Variants in TM4SF20 observed in about 807,000 individuals in gnomAD.
TM4SF20 encodes transmembrane 4 L six family member 20, also known as transmembrane 4 L6 family member 20.
TM4SF20 carries 13 observed loss-of-function variants against 15.1 expected under a neutral mutation model. That is an observed-to-expected ratio of 0.86 (90% CI 0.56 to 1.36). The LOEUF (loss-of-function observed/expected upper bound fraction) is 1.36. Among genes scored for constraint, TM4SF20 ranks in the 40% most tolerant of loss-of-function variants. The pLI is 0.00. For synonymous variants in TM4SF20, 92 were observed against 96.6 expected (o/e 0.95, Z 0.28); for missense variants, 282 against 268.4 (o/e 1.05, Z -0.35).
intron 2 of TM4SF20, among the ~76,000 whole-genome samples, chr2:227,369,323 T>A (rs1201674425): frequency 6.6e-6 from 1 of 152,198 alleles, no homozygotes; most frequent in African/African-American, 2.4e-5. Flanking sequence ...CTGGCCAAAT[T>A]ATCTTGAGTG....
chr2:227,368,474 C>A (rs1160768119), intron 2 of TM4SF20, among the ~76,000 whole-genome samples: 1 of 151,558 alleles, frequency 6.6e-6, no homozygotes, highest in Non-Finnish European at 1.5e-5. Context: ...CCTCAGCCTC[C>A]CAAGTAGCTG....
chr2:227,380,190 C>T (rs535269359), upstream of TM4SF20, among the ~76,000 whole-genome samples: 58 of 152,292 alleles, frequency 3.8e-4, no homozygotes, highest in African/African-American at 1.3e-3. Flanking sequence ...AGTAGCCAAG[C>T]GTGGTGGCAC....
chr2:227,372,082 C>T (rs2076423597), intron 1 of TM4SF20, among the ~76,000 whole-genome samples: 2 of 152,074 alleles, frequency 1.3e-5, no homozygotes, highest in African/African-American at 4.8e-5. Context: ...AAATTTTAGG[C>T]GTAGGTTTTT....
intron 1 of TM4SF20, among the ~76,000 whole-genome samples, chr2:227,373,920 T>G (rs980460253): frequency 3.2e-5 from 2 of 62,946 alleles, no homozygotes; most frequent in African/African-American, 1.5e-4. Context: ...AGAGCGAGAC[T>G]CCGTCTCAAA....
At chr2:227,374,550 T>A (rs1160660075) in intron 1 of TM4SF20, among the ~76,000 whole-genome samples, 2 of 152,220 alleles carry the variant, frequency 1.3e-5, no homozygotes, top group African/African-American at 4.8e-5. Context: ...TTTGAATGCC[T>A]GAGTTTTTGT....
At chr2:227,375,869 G>A (rs2076448046) in intron 1 of TM4SF20, among the ~76,000 whole-genome samples, 1 of 152,148 alleles carries the variant, frequency 6.6e-6, no homozygotes, top group South Asian at 2.1e-4. Context: ...TGAACTCAAT[G>A]AATAAGCATG....
chr2:227,362,596 AT>A lies in TM4SF20; in HGVS notation c.*1127del, dbSNP rs1486204654. ...GAGTTGCAGTCAAAATGCAGTCAAA[AT>A]TGTGTTTCATGCACAAAGTTATTTA... On this transcript the variant is annotated 3_prime_UTR_variant, in exon 4 of 4. Transcript: ENST00000304568. 1 of 152,198 alleles carries A rather than the reference AT, an allele frequency of 6.6e-6. No individual in the cohort carries two copies. Among genetic ancestry groups the A allele is most frequent in the African/African-American group, 2.4e-5 (1 of 41,436 alleles). 9.4% of individuals were successfully genotyped at this position (152,198 alleles called of 1,614,324 possible). A position where few individuals can be genotyped will look rare whatever the true frequency, so the allele number is the denominator to read the frequency against.
intron 2 of TM4SF20, 34 bp from the exon 3 acceptor site, chr2:227,366,278 A>G (rs1473807532): frequency 1.9e-6 from 3 of 1,596,302 alleles, no homozygotes; most frequent in Non-Finnish European, 2.6e-6. Context: ...TGCACATGTT[A>G]TGACATGTTC....
Position 227,363,482 on chromosome 2 carries a change from TC to T in TM4SF20, c.*241del, listed in dbSNP as rs2076373491. 1 of 368,950 alleles carries T rather than the reference TC, an allele frequency of 2.7e-6. No individual in the cohort carries two copies. The highest frequency in any genetic ancestry group is 4.4e-5 in the Admixed American group (1 of 22,922). 22.9% of individuals were successfully genotyped at this position (368,950 alleles called of 1,614,324 possible). A position where few individuals can be genotyped will look rare whatever the true frequency, so the allele number is the denominator to read the frequency against. ...GACTTCCGTTCCTTCTCATCCTCCTTCCCTTCTCCTTTCTCTACACACAGTG... is the reference window on the plus strand; with the variant it reads ...GACTTCCGTTCCTTCTCATCCTCCTTCCTTCTCCTTTCTCTACACACAGTG... On this transcript the variant is annotated 3_prime_UTR_variant, in exon 4 of 4. Coordinates refer to ENST00000304568, the MANE Select transcript of TM4SF20 (RefSeq NM_024795.4).
chr2:227,372,629 G>A (rs2076426590), intron 1 of TM4SF20, among the ~76,000 whole-genome samples: 1 of 151,738 alleles, frequency 6.6e-6, no homozygotes, highest in Admixed American at 6.6e-5. Context: ...GACAGAGCGA[G>A]ACTCTATCTC....
chr2:227,376,301 G>A (rs973932606), intron 1 of TM4SF20, among the ~76,000 whole-genome samples: 5 of 151,664 alleles, frequency 3.3e-5, no homozygotes, highest in African/African-American at 1.2e-4. Flanking sequence ...GTAGTTACTA[G>A]TATATTGAAA....
Position 227,370,958 on chromosome 2 carries a change from G to A in TM4SF20, c.206C>T (p.Ser69Phe). 1 of 1,613,980 alleles carries A rather than the reference G, an allele frequency of 6.2e-7. No homozygotes were observed. The highest frequency in any genetic ancestry group is 8.5e-7 in the Non-Finnish European group (1 of 1,179,952). Reference protein sequence around the residue: ...GLMAIPATTMSLTARKRACCN... With the variant: ...GLMAIPATTMFLTARKRACCN... ...GCACGCTCTTTTTCTTGCTGTCAAG[G>A]ACATTGTTGTTGCTGGAATGGCCTG... The change falls in exon 2 of 4, where the codon TCC becomes TTC. Residue 69 changes from serine (S) to phenylalanine (F), a missense_variant. By Grantham distance (155) the Ser-to-Phe change is radical. Transcript: ENST00000304568.
At position 227,363,115 on chromosome 2, in the gene TM4SF20, C is replaced by A. The variant is rs1036403402; in HGVS notation, c.*609G>T. Reference sequence around the variant, plus strand: ...TATGTATTTATTCTTTAAAGAAATACAATAAAAAGGTCCTGTCCTTTAGGC... The same window carrying A: ...TATGTATTTATTCTTTAAAGAAATAAAATAAAAAGGTCCTGTCCTTTAGGC... On this transcript the variant is annotated 3_prime_UTR_variant, in exon 4 of 4. Coordinates refer to ENST00000304568, the MANE Select transcript of TM4SF20 (RefSeq NM_024795.4). The A allele has an allele frequency of 6.6e-6, 1 of 151,954 alleles. No individual in the cohort carries two copies. The highest frequency in any genetic ancestry group is 1.5e-5 in the Non-Finnish European group (1 of 67,988). The allele number at this position is 151,954 out of a possible 1,614,324, so 9.4% of individuals were successfully genotyped here.
chr2:227,365,068 G>A (rs1245539040), intron 3 of TM4SF20, among the ~76,000 whole-genome samples: 1 of 152,232 alleles, frequency 6.6e-6, no homozygotes, highest in South Asian at 2.1e-4. Context: ...GTGCCACCAC[G>A]CCTGGCTCAT....
chr2:227,377,045 C>A (rs375428132), intron 1 of TM4SF20, among the ~76,000 whole-genome samples: 1 of 152,314 alleles, frequency 6.6e-6, no homozygotes, highest in South Asian at 2.1e-4. Context: ...CTGCCACACC[C>A]GCCACCATCC....
At chr2:227,366,343 C>A in intron 2 of TM4SF20, 99 bp from the exon 3 acceptor site, 2 of 1,052,968 alleles carry the variant, frequency 1.9e-6, no homozygotes, top group East Asian at 5.2e-5. Context: ...TCCAGTCGCC[C>A]TAAAATCCTG....
intron 1 of TM4SF20, among the ~76,000 whole-genome samples, chr2:227,373,162 C>G (rs984702456): frequency 6.6e-6 from 1 of 152,200 alleles, no homozygotes; most frequent in Non-Finnish European, 1.5e-5. Context: ...ATTCATTTAT[C>G]CAAGGCCACA....
intron 1 of TM4SF20, among the ~76,000 whole-genome samples, chr2:227,376,400 CTCTA>C (rs1313399978): frequency 3.9e-5 from 6 of 152,204 alleles, no homozygotes; most frequent in Non-Finnish European, 7.3e-5. Context: ...CTTCCACATT[CTCTA>C]TCTATCTGAG....
chr2:227,379,233 T>C lies in TM4SF20; in HGVS notation c.36A>G (p.Gly12=). 2 of 1,614,196 alleles carry C rather than the reference T, an allele frequency of 1.2e-6. No individual in the cohort carries two copies. The highest frequency in any genetic ancestry group is 4.5e-5 in the East Asian group (2 of 44,892). The change falls in exon 1 of 4, where the codon GGA becomes GGG. Residue 12 remains glycine (G), a synonymous_variant. Coordinates refer to ENST00000304568, the MANE Select transcript of TM4SF20 (RefSeq NM_024795.4). The stretch of plus-strand genomic sequence containing the variant: ...ACAGCAGTAGAACCAGCAGGCTGAA[T>C]CCATTGCAGGATGTCCATCCTTCGC... The part of the protein sequence containing the change: ...TCCEGWTSCN[G]FSLLVLLLLG...
Sources: gnomAD v4.1 joint callset for allele counts (sites outside exome capture counted in the v4.1 genomes callset) on GRCh38, gnomAD v4.1.1 for gene constraint, MANE v1.5 for transcripts, NCBI Gene and HGNC (gene_info 2026-07-23, HGNC 2026-07-21) for gene names.